SGCZ: variants seen among roughly 807,000 people sequenced by gnomAD.
The protein encoded by SGCZ is sarcoglycan zeta, also known as zeta-sarcoglycan.
In SGCZ, 40 loss-of-function variants were observed where a neutral mutation model predicts 41.3. That is an observed-to-expected ratio of 0.97 (90% CI 0.75 to 1.26). The LOEUF (loss-of-function observed/expected upper bound fraction) is 1.26. Among genes scored for constraint, SGCZ ranks in the 50% most tolerant of loss-of-function variants. The pLI is 0.00. For missense variants in SGCZ, 552 were observed against 369.8 expected (o/e 1.49, Z -4.04); for synonymous variants, 206 against 137.5 (o/e 1.50, Z -3.49).
intron 1 of SGCZ, among the ~76,000 whole-genome samples, chr8:15,143,394 T>C (rs1169587833): frequency 2.0e-5 from 3 of 152,304 alleles, no homozygotes. Flanking sequence ...ATTATTTCTA[T>C]AAGGCTCAAG....
intron 5 of SGCZ, among the ~76,000 whole-genome samples, chr8:14,112,970 G>T (rs1343570378): frequency 6.6e-6 from 1 of 152,128 alleles, no homozygotes; most frequent in Admixed American, 6.6e-5. Flanking sequence ...AAAAAGGATT[G>T]CTTTGAATAC....
At chr8:14,498,476 A>G (rs549415539) in intron 2 of SGCZ, among the ~76,000 whole-genome samples, 2 of 152,244 alleles carry the variant, frequency 1.3e-5, no homozygotes, top group Non-Finnish European at 2.9e-5. Flanking sequence ...ATGACAGAAA[A>G]CATTATTTTT....
chr8:14,635,058 T>C (rs1477150364), intron 1 of SGCZ, among the ~76,000 whole-genome samples: 2 of 133,574 alleles, frequency 1.5e-5, no homozygotes, highest in Non-Finnish European at 3.4e-5. Context: ...ATTGAAATAG[T>C]ATTATAATTT....
At chr8:14,401,789 T>G (rs1799084434) in intron 2 of SGCZ, among the ~76,000 whole-genome samples, 1 of 151,026 alleles carries the variant, frequency 6.6e-6, no homozygotes, top group Admixed American at 6.6e-5. Context: ...TTATAGTCCT[T>G]TGGGTATATA....
intron 2 of SGCZ, among the ~76,000 whole-genome samples, chr8:14,488,553 C>A (rs73190212): frequency 1.3e-5 from 2 of 152,028 alleles, no homozygotes; most frequent in African/African-American, 4.8e-5. Context: ...ATGGAAATGC[C>A]TCTCAAGGAT....
chr8:14,211,123 G>T (rs187821471), intron 4 of SGCZ, among the ~76,000 whole-genome samples: 2 of 152,240 alleles, frequency 1.3e-5, no homozygotes, highest in East Asian at 3.9e-4. Context: ...AATGGACCCT[G>T]ACCCTTTCAA....
rs1257573954 is a variant in SGCZ, at chr8:14,551,454, AT to A, written c.234+3277del. On this transcript the variant is annotated intron_variant, in intron 2 of 7. Coordinates refer to ENST00000382080, the MANE Select transcript of SGCZ (RefSeq NM_139167.4). ...TCCTCTTCAACTATTTCATATATAT[AT>A]TATATATATTATATATATTATATAT... 5.8e-3 allele frequency among the ~76,000 whole-genome samples: 13 copies of A among 2,232 alleles called. 1 individual carries two copies. Among genetic ancestry groups the A allele is most frequent in the East Asian group, 0.12 (1 of 8 alleles). 1.5% of individuals were successfully genotyped at this position (2,232 alleles called of 152,430 possible). A position where few individuals can be genotyped will look rare whatever the true frequency, so the allele number is the denominator to read the frequency against.
chr8:14,918,972 C>T (rs1799514388), intron 1 of SGCZ, among the ~76,000 whole-genome samples: 1 of 152,188 alleles, frequency 6.6e-6, no homozygotes, highest in Non-Finnish European at 1.5e-5. Flanking sequence ...TGGGGGGTTT[C>T]AAAACCTCTC....
chr8:14,121,264 A>C (rs913400324), intron 5 of SGCZ, among the ~76,000 whole-genome samples: 1 of 151,894 alleles, frequency 6.6e-6, no homozygotes, highest in African/African-American at 2.4e-5. Context: ...TGAATATATA[A>C]TATTAAATAT....
chr8:14,288,050 C>T (rs1207742398), intron 3 of SGCZ, among the ~76,000 whole-genome samples: 2 of 151,960 alleles, frequency 1.3e-5, no homozygotes, highest in Non-Finnish European at 2.9e-5. Context: ...GAGAACTATT[C>T]TTTGAGATAA....
rs562010251 is a variant in SGCZ, at chr8:14,995,997, G to A, written c.39+241588C>T. On this transcript the variant is annotated intron_variant, in intron 1 of 7. Coordinates refer to ENST00000382080, the MANE Select transcript of SGCZ (RefSeq NM_139167.4). ...CGCCTCACTGCAACCTCTATCTCCC[G>A]GGTTCAGGTGATTCTCCTGCCTCAG... Among the ~76,000 whole-genome samples the A allele has an allele frequency of 7.9e-5, 12 of 151,852 alleles. No homozygotes were observed. The East Asian group carries it at 1.4e-3, about 17-fold the overall frequency.
intron 2 of SGCZ, among the ~76,000 whole-genome samples, chr8:14,478,294 C>T (rs773719199): frequency 1.3e-5 from 2 of 152,138 alleles, no homozygotes; most frequent in African/African-American, 2.4e-5. Flanking sequence ...AGATGTCCCT[C>T]GTTAGGTAAA....
At chr8:14,139,011 C>G in intron 5 of SGCZ, among the ~76,000 whole-genome samples, 1 of 152,158 alleles carries the variant, frequency 6.6e-6, no homozygotes, top group East Asian at 1.9e-4. Context: ...ACAGTGCAAT[C>G]AAATTAGAAC....
Position 14,373,309 on chromosome 8 carries a change from C to T in SGCZ, c.235-49105G>A, listed in dbSNP as rs142882601. 9.9e-4 allele frequency among the ~76,000 whole-genome samples: 151 copies of T among 152,238 alleles called. 1 individual carries two copies. The highest frequency in any genetic ancestry group is 3.6e-3 in the African/African-American group (150 of 41,520). ...GCATAATTAACAGTTTCATTTTGGA[C>T]ATGTTAAATCTGAAATATGGATATG... On this transcript the variant is annotated intron_variant, in intron 2 of 7. Transcript: ENST00000382080.
chr8:14,780,954 G>A (rs1342852428), intron 1 of SGCZ, among the ~76,000 whole-genome samples: 1 of 152,076 alleles, frequency 6.6e-6, no homozygotes. Context: ...AAGATACAGA[G>A]AATAAAAGAA....
chr8:14,504,588 C>G (rs1222083069), intron 2 of SGCZ, among the ~76,000 whole-genome samples: 2 of 152,024 alleles, frequency 1.3e-5, no homozygotes, highest in Non-Finnish European at 2.9e-5. Flanking sequence ...TTTTTCTTTT[C>G]TCTTGTTTCT....
chr8:14,900,987 G>A (rs1227113987), intron 1 of SGCZ, among the ~76,000 whole-genome samples: 1 of 152,114 alleles, frequency 6.6e-6, no homozygotes, highest in Non-Finnish European at 1.5e-5. Flanking sequence ...GATAGCTCAG[G>A]CTTTGAGGTT....
chr8:15,188,610 T>C, intron 1 of SGCZ, among the ~76,000 whole-genome samples: 1 of 152,174 alleles, frequency 6.6e-6, no homozygotes, highest in East Asian at 1.9e-4. Flanking sequence ...GTAAAATTCC[T>C]GTTGTGCTTG....
rs1002745630 is a variant in SGCZ, at chr8:14,891,361, T to C, written c.40-336435A>G. 7.9e-5 allele frequency among the ~76,000 whole-genome samples: 12 copies of C among 152,210 alleles called. 1 individual carries two copies. The highest frequency in any genetic ancestry group is 6.5e-4 in the Admixed American group (10 of 15,290). On this transcript the variant is annotated intron_variant, in intron 1 of 7. Coordinates refer to ENST00000382080, the MANE Select transcript of SGCZ (RefSeq NM_139167.4). ...TGAAAGAAGTTGATTCCAGCAGTCATGGACGACTTTGAGAGGTTCAAGACT... is the reference window on the plus strand; with the variant it reads ...TGAAAGAAGTTGATTCCAGCAGTCACGGACGACTTTGAGAGGTTCAAGACT...
Sources: allele counts gnomAD v4.1 joint callset (sites outside exome capture counted in the v4.1 genomes callset), GRCh38; gene constraint gnomAD v4.1.1; transcripts MANE v1.5; gene names NCBI Gene and HGNC (gene_info 2026-07-23, HGNC 2026-07-21).